The following GABARAPL1 variants were observed in gnomAD, a reference collection of about 807,000 sequenced individuals.
GABARAPL1 encodes GABA type A receptor associated protein like 1.
GABARAPL1 carries 4 observed loss-of-function variants against 14.5 expected under a neutral mutation model. The observed-to-expected ratio is 0.28, with a 90% CI of 0.14 to 0.63. The LOEUF (loss-of-function observed/expected upper bound fraction) is 0.63, where lower values mean the gene tolerates loss of function less well. GABARAPL1 is among the 30% of genes least tolerant of loss of function. GABARAPL1 has a pLI of 0.84. For synonymous variants in GABARAPL1, 47 were observed against 50.6 expected (o/e 0.93, Z 0.30); for missense variants, 82 against 139.2 (o/e 0.59, Z 2.07).
At chr12:10,221,171 A>G (rs1949118721) in intron 3 of GABARAPL1, 3 of 972,792 alleles carry the variant, frequency 3.1e-6, no homozygotes, top group East Asian at 1.1e-4. Context: ...TCTGGGCACA[A>G]TGAATCAGAT....
chr12:10,215,486 C>T (rs1427282694), intron 1 of GABARAPL1, among the ~76,000 whole-genome samples: 1 of 152,066 alleles, frequency 6.6e-6, no homozygotes, highest in Non-Finnish European at 1.5e-5. Flanking sequence ...AAACTGAGAC[C>T]CAAAGAGGCA....
chr12:10,214,029 A>G, intron 1 of GABARAPL1: 1 of 345,094 alleles, frequency 2.9e-6, no homozygotes, highest in Non-Finnish European at 6.0e-6. Flanking sequence ...CGTTTTCCCC[A>G]TTACCCCCTC....
At chr12:10,214,191 G>T in intron 1 of GABARAPL1, 1 of 226,462 alleles carries the variant, frequency 4.4e-6, no homozygotes, top group Non-Finnish European at 9.3e-6. Context: ...TCTTCAGGTA[G>T]GAACATTAGT....
chr12:10,213,572 C>T (rs1369725618), intron 1 of GABARAPL1: 3 of 334,162 alleles, frequency 9.0e-6, no homozygotes, highest in Non-Finnish European at 1.8e-5. Context: ...TAGATCGGGG[C>T]CATGGATTGG....
intron 1 of GABARAPL1, chr12:10,213,434 A>G: frequency 1.6e-6 from 1 of 610,590 alleles, no homozygotes; most frequent in South Asian, 1.6e-5. Flanking sequence ...ACCCCACTTC[A>G]GGGCTGACGG....
At chr12:10,219,341 A>C (rs1268425967) in intron 2 of GABARAPL1, among the ~76,000 whole-genome samples, 1 of 151,740 alleles carries the variant, frequency 6.6e-6, no homozygotes, top group African/African-American at 2.4e-5. Context: ...AACAAAAAAA[A>C]AAAACCCCAA....
chr12:10,215,155 CGTGCTGTGCTAGA>C (rs1484891978), intron 1 of GABARAPL1, among the ~76,000 whole-genome samples: 2 of 152,114 alleles, frequency 1.3e-5, no homozygotes, highest in African/African-American at 4.8e-5. Flanking sequence ...AACTCTTAAT[CGTGCTGTGCTAGA>C]GTGTCTTGTT....
At position 10,221,972 on chromosome 12, in the gene GABARAPL1, A is replaced by G. The variant is rs1949122486; in HGVS notation, c.*120A>G. Reference sequence around the variant, plus strand: ...AAGGAGACAGAAGGTGAAGACATCTAGAAACATTACACCACACACACCGTC... The same window carrying G: ...AAGGAGACAGAAGGTGAAGACATCTGGAAACATTACACCACACACACCGTC... On this transcript the variant is annotated 3_prime_UTR_variant, in exon 4 of 4. Transcript: ENST00000266458. 1 of 805,638 alleles carries G rather than the reference A, an allele frequency of 1.2e-6. No individual in the cohort carries two copies. The highest frequency in any genetic ancestry group is 2.5e-5 in the East Asian group (1 of 39,626). 49.9% of individuals were successfully genotyped at this position (805,638 alleles called of 1,614,324 possible).
At chr12:10,216,377 A>G (rs1250828965) in intron 1 of GABARAPL1, among the ~76,000 whole-genome samples, 1 of 152,014 alleles carries the variant, frequency 6.6e-6, no homozygotes, top group East Asian at 1.9e-4. Flanking sequence ...ACCTCAAAAA[A>G]AAAAGTTACT....
At chr12:10,221,262 G>A in intron 3 of GABARAPL1, 1 of 973,716 alleles carries the variant, frequency 1.0e-6, no homozygotes, top group Non-Finnish European at 1.2e-6. Flanking sequence ...TAATTTTTAT[G>A]TGATGTGGTT....
chr12:10,217,996 G>T, intron 1 of GABARAPL1, 67 bp from the exon 2 acceptor site: 2 of 928,604 alleles, frequency 2.2e-6, no homozygotes, highest in Non-Finnish European at 3.6e-6. Flanking sequence ...CAACTCTAGG[G>T]TGTAGAAGGA....
At chr12:10,218,689 TTTTA>T (rs1428992005) in intron 2 of GABARAPL1, among the ~76,000 whole-genome samples, 1 of 152,014 alleles carries the variant, frequency 6.6e-6, no homozygotes, top group Non-Finnish European at 1.5e-5. Flanking sequence ...ACCACTTTTA[TTTTA>T]ATTAATTAAT....
At chr12:10,216,681 T>C (rs1218275974) in intron 1 of GABARAPL1, among the ~76,000 whole-genome samples, 1 of 151,624 alleles carries the variant, frequency 6.6e-6, no homozygotes, top group African/African-American at 2.4e-5. Context: ...GCTGGGATTA[T>C]AGGCATGCAT....
intron 2 of GABARAPL1, among the ~76,000 whole-genome samples, chr12:10,218,894 T>C (rs1244876106): frequency 6.6e-6 from 1 of 151,660 alleles, no homozygotes; most frequent in African/African-American, 2.4e-5. Flanking sequence ...GTATTTTTAG[T>C]AGAGACAGGG....
Position 10,222,121 on chromosome 12 carries a change from A to G in GABARAPL1, c.*269A>G, listed in dbSNP as rs987501974. 49 of 455,730 alleles carry G rather than the reference A, an allele frequency of 1.1e-4. No individual in the cohort carries two copies. The highest frequency in any genetic ancestry group is 1.6e-5 in the Non-Finnish European group (4 of 247,374). The allele number at this position is 455,730 out of a possible 1,614,324, so 28.2% of individuals were successfully genotyped here. ...AATGGGGATGATGTAAGTTTACAGT[A>G]TTCCTGGGGTTTAATTGTTGTGCAG... is the stretch of plus-strand genomic sequence containing the variant. On this transcript the variant is annotated 3_prime_UTR_variant, in exon 4 of 4. Coordinates refer to ENST00000266458, the MANE Select transcript of GABARAPL1 (RefSeq NM_031412.4).
chr12:10,214,227 A>T (rs1377155490), intron 1 of GABARAPL1: 1 of 182,308 alleles, frequency 5.5e-6, no homozygotes. Context: ...ATGGTAAAAT[A>T]ATTGCTGTTA....
At chr12:10,217,928 A>T in intron 1 of GABARAPL1, 135 bp from the exon 2 acceptor site, 1 of 633,462 alleles carries the variant, frequency 1.6e-6, no homozygotes. Context: ...GGGTGGGGGG[A>T]TAAGAAATGA....
chr12:10,219,821 A>G (rs1474591205), intron 2 of GABARAPL1, among the ~76,000 whole-genome samples: 1 of 152,080 alleles, frequency 6.6e-6, no homozygotes, highest in East Asian at 1.9e-4. Flanking sequence ...AAAAATACAT[A>G]TATTCAGTCT....
chr12:10,218,834 G>A (rs1316295475), intron 2 of GABARAPL1, among the ~76,000 whole-genome samples: 1 of 151,396 alleles, frequency 6.6e-6, no homozygotes, highest in African/African-American at 2.4e-5. Flanking sequence ...TCAGCCTGCC[G>A]AGTAGCTGGG....
Sources: allele counts gnomAD v4.1 joint callset (sites outside exome capture counted in the v4.1 genomes callset), GRCh38; gene constraint gnomAD v4.1.1; transcripts MANE v1.5; gene names NCBI Gene and HGNC (gene_info 2026-07-23, HGNC 2026-07-21).